The following NCF2 variants were observed in gnomAD, a reference collection of about 807,000 sequenced individuals.
NCF2 encodes the protein neutrophil cytosolic factor 2.
NCF2 carries 45 observed loss-of-function variants against 70.9 expected under a neutral mutation model. The ratio of observed to expected loss-of-function variants is 0.63; its 90% CI spans 0.50 to 0.81. NCF2 has a LOEUF of 0.81. Ranked by LOEUF, NCF2 falls within the 40% of genes least tolerant of loss-of-function variation. The probability of loss-of-function intolerance (pLI) is 0.00; values close to 1 mark genes in which losing one functional copy is unlikely to be tolerated. For synonymous variants in NCF2, 203 were observed against 233.6 expected (o/e 0.87, Z 1.19); for missense variants, 522 against 631.6 (o/e 0.83, Z 1.86).
intron 2 of NCF2, among the ~76,000 whole-genome samples, chr1:183,585,156 C>T (rs1263198673): frequency 6.6e-6 from 1 of 152,192 alleles, no homozygotes; most frequent in Non-Finnish European, 1.5e-5. Flanking sequence ...ATGGGTTTTA[C>T]AGGCTCTGTT....
intron 3 of NCF2, among the ~76,000 whole-genome samples, chr1:183,575,442 G>C (rs554976181): frequency 1.4e-4 from 21 of 151,076 alleles, no homozygotes; most frequent in South Asian, 1.0e-3. Flanking sequence ...ACCTCAGGTG[G>C]GGGGGGAATG....
chr1:183,586,757 A>G (rs1289581041), intron 2 of NCF2, 138 bp downstream of exon 2: 9 of 792,512 alleles, frequency 1.1e-5, no homozygotes, highest in African/African-American at 8.5e-5. Flanking sequence ...GATTTATTGC[A>G]TAACTGTCCC....
At chr1:183,580,697 C>T (rs1382846353) in intron 2 of NCF2, among the ~76,000 whole-genome samples, 3 of 152,182 alleles carry the variant, frequency 2.0e-5, no homozygotes, top group South Asian at 2.1e-4. Context: ...TCTACAGAGG[C>T]CCGGTGCAGT....
the NCF2 span, among the ~76,000 whole-genome samples, chr1:183,596,468 A>T: frequency 6.6e-6 from 1 of 151,980 alleles, no homozygotes; most frequent in Non-Finnish European, 1.5e-5. Flanking sequence ...AATACACTGG[A>T]TCCTCACTAT....
intron 13 of NCF2, among the ~76,000 whole-genome samples, chr1:183,562,841 G>T (rs1572150282): frequency 1.4e-5 from 2 of 145,446 alleles, no homozygotes; most frequent in East Asian, 4.0e-4. Context: ...AAAAAAAAAG[G>T]TGAAGAATGG....
At chr1:183,571,420 A>G (rs1448125673) in intron 5 of NCF2, among the ~76,000 whole-genome samples, 1 of 152,190 alleles carries the variant, frequency 6.6e-6, no homozygotes, top group Non-Finnish European at 1.5e-5. Context: ...CCCAGCCCAA[A>G]TTAATCATTT....
Position 183,573,244 on chromosome 1 carries a change from G to A in NCF2, c.550C>T (p.Arg184Ter), listed in dbSNP as rs766745748. Residue 184 changes from arginine (R) to a stop codon, truncating the protein, a stop_gained, in exon 5 of 15, where the codon CGA (arginine) becomes TGA (stop). Coordinates refer to ENST00000367535, the MANE Select transcript of NCF2 (RefSeq NM_000433.4). LOFTEE classifies it high-confidence loss of function. ...PVVIPVGKLF[R>*]PNERQVAQLA... ...TGAGCCACTTGTCTCTCATTTGGTC[G>A]AAACAGCTTGCCCACAGGGATCACC... The A allele has an allele frequency of 9.3e-6, 15 of 1,614,076 alleles. No homozygotes were observed. The highest frequency in any genetic ancestry group is 2.2e-5 in the South Asian group (2 of 91,078).
chr1:183,577,580 C>G lies in NCF2; in HGVS notation c.366+19G>C, dbSNP rs1406106922. 3.8e-6 allele frequency: 6 copies of G among 1,565,056 alleles called. No individual in the cohort carries two copies. In the South Asian group the frequency reaches 6.7e-5, roughly 17 times the overall value. ...AGCCATGATCCCCTCCTGCCCAGGC[C>G]AGGCCCTGTTCTCCTTACCTCACAG... On this transcript the variant is annotated intron_variant, in intron 3 of 14. Coordinates refer to ENST00000367535, the MANE Select transcript of NCF2 (RefSeq NM_000433.4).
intron 2 of NCF2, among the ~76,000 whole-genome samples, chr1:183,581,032 A>G (rs1311770626): frequency 6.6e-6 from 1 of 151,850 alleles, no homozygotes; most frequent in East Asian, 1.9e-4. Context: ...AGAGAGAGAA[A>G]GAACTGACAA....
chr1:183,557,361 T>C (rs1671837446), intron 14 of NCF2, among the ~76,000 whole-genome samples: 1 of 152,222 alleles, frequency 6.6e-6, no homozygotes, highest in Admixed American at 6.5e-5. Context: ...AAAGTTCCCT[T>C]AGGTAATTCT....
intron 13 of NCF2, among the ~76,000 whole-genome samples, chr1:183,560,605 A>G (rs576203825): frequency 6.6e-6 from 1 of 152,296 alleles, no homozygotes; most frequent in East Asian, 1.9e-4. Flanking sequence ...CATGCGACCT[A>G]GATCCCTTGC....
At chr1:183,577,538 C>T in intron 3 of NCF2, 61 bp downstream of exon 3, 1 of 1,335,600 alleles carries the variant, frequency 7.5e-7, no homozygotes, top group Non-Finnish European at 1.1e-6. Flanking sequence ...TGCATCTGAA[C>T]TGTCAGCCAT....
chr1:183,573,410 T>G, intron 4 of NCF2, 118 bp from the exon 5 acceptor site: 1 of 964,180 alleles, frequency 1.0e-6, no homozygotes, highest in Non-Finnish European at 1.7e-6. Context: ...GAAGCCCTTT[T>G]CCAAATGAGT....
chr1:183,578,805 C>A (rs1672922557), intron 2 of NCF2, among the ~76,000 whole-genome samples: 1 of 152,232 alleles, frequency 6.6e-6, no homozygotes, highest in Non-Finnish European at 1.5e-5. Flanking sequence ...ATAGGGCCCA[C>A]AGGCATGTAG....
chr1:183,556,106 TTG>T lies in NCF2; in HGVS notation c.*10_*11del. 6.2e-7 allele frequency: 1 copy of T among 1,607,128 alleles called. No homozygotes were observed. The highest frequency in any genetic ancestry group is 8.5e-7 in the Non-Finnish European group (1 of 1,173,554). ...GCTTCATTTTCTTCAGCTTTGTAGT[TTG>T]TGAAACATCCTAGACTTCTCTCCGA... On this transcript the variant is annotated 3_prime_UTR_variant, in exon 15 of 15. Transcript: ENST00000367535.
chr1:183,567,178 G>A (rs923268186), intron 8 of NCF2, 26 bp downstream of exon 8: 21 of 1,613,862 alleles, frequency 1.3e-5, no homozygotes, highest in African/African-American at 5.3e-5. Context: ...CATGCCCATC[G>A]CACCAGCCCC....
At chr1:183,597,742 A>G in the NCF2 span, 1 of 152,254 alleles carries the variant, frequency 6.6e-6, no homozygotes, top group Non-Finnish European at 1.5e-5. Flanking sequence ...CAAAATTTTT[A>G]AAGATTCCCT....
chr1:183,570,739 C>A (rs1156983745), intron 6 of NCF2, 41 bp downstream of exon 6: 3 of 1,600,616 alleles, frequency 1.9e-6, no homozygotes, highest in Admixed American at 3.3e-5. Context: ...ACAGAAAGCT[C>A]TCGAGACCTA....
In NCF2 at chr1:183,590,258, T is replaced by C; in HGVS notation, c.72A>G (p.Gly24=). Residue 24 remains glycine, a synonymous_variant, in exon 1 of 15, where the codon GGA becomes GGG. Transcript: ENST00000367535. ...VLAADKKDWK[G]ALDAFSAVQD... Reference sequence around the variant, plus strand: ...GGACGGCACTGAAGGCATCCAGGGCTCCCTTCCAGTCCTTCTTGTCCGCTG... The same window carrying C: ...GGACGGCACTGAAGGCATCCAGGGCCCCCTTCCAGTCCTTCTTGTCCGCTG... 5.6e-6 allele frequency: 9 copies of C among 1,614,088 alleles called. No homozygotes were observed. Among genetic ancestry groups the C allele is most frequent in the Non-Finnish European group, 7.6e-6 (9 of 1,180,020 alleles).
Sources: gnomAD v4.1 joint callset for allele counts (sites outside exome capture counted in the v4.1 genomes callset) on GRCh38, gnomAD v4.1.1 for gene constraint, MANE v1.5 for transcripts, NCBI Gene and HGNC (gene_info 2026-07-23, HGNC 2026-07-21) for gene names.